The following LRFN5 variants were observed in gnomAD, a reference collection of about 807,000 sequenced individuals.
LRFN5 encodes leucine rich repeat and fibronectin type III domain containing 5, also known as leucine-rich repeat and fibronectin type-III domain-containing protein 5.
LRFN5 carries 24 observed loss-of-function variants against 45.6 expected under a neutral mutation model. The ratio of observed to expected loss-of-function variants is 0.53; its 90% CI spans 0.38 to 0.74. LRFN5 has a LOEUF of 0.74. Among genes scored for constraint, LRFN5 ranks in the 30% least tolerant of loss-of-function variants. LRFN5 has a pLI of 0.00. For missense variants in LRFN5, 776 were observed against 861.5 expected (o/e 0.90, Z 1.24); for synonymous variants, 340 against 313.8 (o/e 1.08, Z -0.88).
At chr14:41,811,083 A>G (rs567214328) in intron 2 of LRFN5, among the ~76,000 whole-genome samples, 3 of 152,226 alleles carry the variant, frequency 2.0e-5, no homozygotes, top group African/African-American at 7.2e-5. Context: ...TAAAAAGATA[A>G]ATTTCTCAAT....
At chr14:41,638,366 T>C (rs1041679138) in intron 1 of LRFN5, among the ~76,000 whole-genome samples, 10 of 152,110 alleles carry the variant, frequency 6.6e-5, no homozygotes, top group African/African-American at 2.4e-4. Context: ...CTAGTGTCAA[T>C]AATTAATTCT....
At chr14:41,754,080 A>G (rs1287720930) in intron 1 of LRFN5, among the ~76,000 whole-genome samples, 1 of 152,160 alleles carries the variant, frequency 6.6e-6, no homozygotes, top group Non-Finnish European at 1.5e-5. Context: ...TGATTTACGT[A>G]TATTGAACCA....
intron 1 of LRFN5, among the ~76,000 whole-genome samples, chr14:41,673,135 A>G (rs140450008): frequency 0.024 from 3,589 of 152,180 alleles, 125 homozygotes; most frequent in African/African-American, 0.082. Flanking sequence ...AGACACGGCA[A>G]CCATCCGATT....
chr14:41,637,878 C>T (rs1044942255), intron 1 of LRFN5, among the ~76,000 whole-genome samples: 1 of 152,114 alleles, frequency 6.6e-6, no homozygotes, highest in Non-Finnish European at 1.5e-5. Flanking sequence ...TGAACAATTC[C>T]TCTCTGCCCA....
chr14:41,837,508 T>C (rs1696658223), intron 2 of LRFN5, among the ~76,000 whole-genome samples: 1 of 152,152 alleles, frequency 6.6e-6, no homozygotes, highest in South Asian at 2.1e-4. Flanking sequence ...GAACTAAATT[T>C]TATTAACTAA....
intron 2 of LRFN5, among the ~76,000 whole-genome samples, chr14:41,844,305 T>C (rs10147508): frequency 0.73 from 110,655 of 150,974 alleles, 40,931 homozygotes; most frequent in African/African-American, 0.83. Context: ...GGCGTGGTGG[T>C]GGGCACCTGT....
chr14:41,727,439 T>TATAAATAA (rs150974682), intron 1 of LRFN5, among the ~76,000 whole-genome samples: 3 of 150,682 alleles, frequency 2.0e-5, no homozygotes, highest in East Asian at 2.0e-4. Context: ...ATCCGATCTC[T>TATAAATAA]ATAAATAAAT....
chr14:41,646,167 G>T (rs554945018), intron 1 of LRFN5, among the ~76,000 whole-genome samples: 3 of 152,122 alleles, frequency 2.0e-5, no homozygotes, highest in Admixed American at 2.0e-4. Context: ...ATATATTATT[G>T]TTAATCATCC....
At chr14:41,705,608 T>C (rs1402761899) in intron 1 of LRFN5, among the ~76,000 whole-genome samples, 2 of 152,150 alleles carry the variant, frequency 1.3e-5, no homozygotes, top group Non-Finnish European at 2.9e-5. Context: ...CACTTTTCTT[T>C]TCTTTTTCTT....
At chr14:41,706,257 C>G (rs1437233773) in intron 1 of LRFN5, among the ~76,000 whole-genome samples, 1 of 151,990 alleles carries the variant, frequency 6.6e-6, no homozygotes, top group African/African-American at 2.4e-5. Flanking sequence ...TGTGCCATCA[C>G]GACTGGCTAA....
At chr14:41,848,357 C>T (rs1889142757) in intron 2 of LRFN5, among the ~76,000 whole-genome samples, 1 of 151,988 alleles carries the variant, frequency 6.6e-6, no homozygotes, top group Admixed American at 6.6e-5. Context: ...CAAAAGTCCC[C>T]AAATAAAACC....
chr14:41,887,625 T>A lies in LRFN5; in HGVS notation c.1000T>A (p.Ser334Thr), dbSNP rs1269647381. 5 of 1,614,170 alleles carry A rather than the reference T, an allele frequency of 3.1e-6. No individual in the cohort carries two copies. In the South Asian group the frequency reaches 5.5e-5, roughly 18 times the overall value. Residue 334 changes from serine to threonine, a missense_variant, in exon 3 of 6, where the codon TCT becomes ACT. Physicochemically the swap from Ser to Thr is moderately conservative, Grantham distance 58. Transcript: ENST00000298119. This position sits in a 1 kb window ranked among gnomAD's most constrained non-coding sequence, Gnocchi z 4.8. The part of the protein sequence containing the change: ...EGKLISNATR[S>T]LVYDNGTLDI... ...GAAGCTTATTTCAAATGCAACAAGA[T>A]CTCTGGTGTATGATAACGGAACACT...
At chr14:41,802,045 T>C (rs1432247746) in intron 2 of LRFN5, among the ~76,000 whole-genome samples, 1 of 152,122 alleles carries the variant, frequency 6.6e-6, no homozygotes, top group Non-Finnish European at 1.5e-5. Context: ...AGGTGGAAAT[T>C]TTTTGCAACT....
At chr14:41,626,549 A>C (rs1241520437) in intron 1 of LRFN5, among the ~76,000 whole-genome samples, 2 of 152,038 alleles carry the variant, frequency 1.3e-5, no homozygotes, top group Non-Finnish European at 2.9e-5. Flanking sequence ...AGTAATACTA[A>C]ACTTTTGACT....
At chr14:41,672,907 A>G (rs1881300767) in intron 1 of LRFN5, among the ~76,000 whole-genome samples, 1 of 152,176 alleles carries the variant, frequency 6.6e-6, no homozygotes, top group Non-Finnish European at 1.5e-5. Context: ...AAAACTAAGA[A>G]TATACAATTT....
chr14:41,713,442 T>G (rs544173933), intron 1 of LRFN5, among the ~76,000 whole-genome samples: 3 of 152,076 alleles, frequency 2.0e-5, no homozygotes, highest in African/African-American at 7.2e-5. Context: ...TATAAACTTG[T>G]CTTTATTAAC....
chr14:41,649,895 C>T (rs1880012591), intron 1 of LRFN5, among the ~76,000 whole-genome samples: 1 of 152,096 alleles, frequency 6.6e-6, no homozygotes, highest in African/African-American at 2.4e-5. Flanking sequence ...TTCCTCTAGC[C>T]ATGTTGATGC....
intron 1 of LRFN5, among the ~76,000 whole-genome samples, chr14:41,763,702 C>T (rs569225715): frequency 1.3e-5 from 2 of 152,202 alleles, no homozygotes; most frequent in African/African-American, 2.4e-5. Flanking sequence ...TCTTGCCTGC[C>T]GCCATGTAAG....
chr14:41,695,805 G>C (rs926808762), intron 1 of LRFN5, among the ~76,000 whole-genome samples: 2 of 151,952 alleles, frequency 1.3e-5, no homozygotes, highest in Non-Finnish European at 2.9e-5. Context: ...TGTACGAGGA[G>C]ATTAATGTGA....
Sources: allele counts gnomAD v4.1 joint callset (sites outside exome capture counted in the v4.1 genomes callset), GRCh38; gene constraint gnomAD v4.1.1; non-coding constraint Gnocchi (gnomAD v3.1); transcripts MANE v1.5; gene names NCBI Gene and HGNC (gene_info 2026-07-23, HGNC 2026-07-21).